The following GPC5 variants were observed in gnomAD, a reference collection of about 807,000 sequenced individuals.
The protein encoded by GPC5 is glypican 5.
In GPC5, 47 loss-of-function variants were observed where a neutral mutation model predicts 53.9. That is an observed-to-expected ratio of 0.87 (90% confidence interval 0.69 to 1.11). The LOEUF (loss-of-function observed/expected upper bound fraction) is 1.11. GPC5 is among the 50% of genes most tolerant of loss of function. The pLI is 0.00. For synonymous variants in GPC5, 286 were observed against 263.3 expected, an observed-to-expected ratio of 1.09 and a Z score of -0.84; for missense variants, 748 against 713.1, an observed-to-expected ratio of 1.05 and a Z score of -0.56.
chr13:91,553,865 T>C (rs1021332669), intron 2 of GPC5, among the ~76,000 whole-genome samples: 1 of 152,054 alleles, frequency 6.6e-6, no homozygotes, highest in African/African-American at 2.4e-5. Flanking sequence ...TTAAGGAGTA[T>C]ATATTTAATA....
chr13:92,066,223 G>A (rs1594750352), intron 6 of GPC5, among the ~76,000 whole-genome samples: 1 of 151,966 alleles, frequency 6.6e-6, no homozygotes, highest in Non-Finnish European at 1.5e-5. Flanking sequence ...AAGGACAAGG[G>A]CTGCCATAAG....
chr13:92,160,168 C>T (rs1415625607), intron 7 of GPC5, among the ~76,000 whole-genome samples: 1 of 152,172 alleles, frequency 6.6e-6, no homozygotes, highest in Non-Finnish European at 1.5e-5. Context: ...CCTCAGCCTC[C>T]CAAAGTGCTG....
chr13:92,100,621 C>A (rs1259995846), intron 6 of GPC5, among the ~76,000 whole-genome samples: 1 of 152,078 alleles, frequency 6.6e-6, no homozygotes, highest in Non-Finnish European at 1.5e-5. Flanking sequence ...ATTCTCATGT[C>A]CTGGGTGACA....
chr13:92,531,006 G>T (rs1881546105), intron 7 of GPC5, among the ~76,000 whole-genome samples: 1 of 152,148 alleles, frequency 6.6e-6, no homozygotes, highest in Admixed American at 6.5e-5. Flanking sequence ...CGAATACTGA[G>T]CAGGTAATAT....
chr13:91,505,038 T>A (rs1402348976), intron 2 of GPC5, among the ~76,000 whole-genome samples: 1 of 152,180 alleles, frequency 6.6e-6, no homozygotes, highest in Non-Finnish European at 1.5e-5. Context: ...TTCATAGGAA[T>A]AATCAAGAAT....
intron 6 of GPC5, among the ~76,000 whole-genome samples, chr13:92,064,343 G>A (rs1030217319): frequency 1.3e-5 from 2 of 152,138 alleles, no homozygotes; most frequent in African/African-American, 4.8e-5. Context: ...TATCTGGGTC[G>A]CCCCCTAGAG....
At position 92,505,483 on chromosome 13, in the gene GPC5, A is replaced by G. The variant is rs541644742; in HGVS notation, c.1561+360494A>G. ...ATTCCTGGTGCTGGTGAGGTCAAAG[A>G]GCAACTGGGATTCTCATACATTGCA... On this transcript the variant is annotated intron_variant, in intron 7 of 7. Coordinates refer to ENST00000377067, the MANE Select transcript of GPC5 (RefSeq NM_004466.6). Among the ~76,000 whole-genome samples, 39 of 152,200 alleles carry G rather than the reference A, an allele frequency of 2.6e-4. 1 individual carries two copies. In the South Asian group the frequency reaches 7.9e-3, roughly 31 times the overall value.
intron 5 of GPC5, among the ~76,000 whole-genome samples, chr13:91,845,300 AG>A (rs564283139): frequency 4.7e-4 from 70 of 148,310 alleles, no homozygotes; most frequent in African/African-American, 1.5e-3. Context: ...AAAATCAGTA[AG>A]GTTTTTTTTT....
intron 7 of GPC5, among the ~76,000 whole-genome samples, chr13:92,298,487 G>T (rs78980793): frequency 1.3e-5 from 2 of 152,138 alleles, no homozygotes; most frequent in South Asian, 2.1e-4. Context: ...CAGCAAGCCC[G>T]CAGGGATTTT....
At position 92,603,293 on chromosome 13, in the gene GPC5, A is replaced by AT. The variant is rs534498736; in HGVS notation, c.1562-262979dup. ...AGCTAACTCATTCCTGAACAACAGC[A>AT]TTTTTTTTTTCCATATTCTAAAGCC... On this transcript the variant is annotated intron_variant, in intron 7 of 7. Coordinates refer to ENST00000377067, the MANE Select transcript of GPC5 (RefSeq NM_004466.6). 9.4e-3 allele frequency among the ~76,000 whole-genome samples: 1,410 copies of AT among 149,876 alleles called. 5 individuals carry two copies. The highest frequency in any genetic ancestry group is 0.017 in the South Asian group (81 of 4,678).
intron 1 of GPC5, among the ~76,000 whole-genome samples, chr13:91,407,440 G>A (rs935571945): frequency 1.1e-4 from 16 of 152,190 alleles, no homozygotes; most frequent in Non-Finnish European, 1.6e-4. Flanking sequence ...AGCTGTTATC[G>A]TCATGTAGTG....
intron 6 of GPC5, among the ~76,000 whole-genome samples, chr13:91,974,368 A>T (rs7319626): frequency 6.6e-6 from 1 of 151,832 alleles, no homozygotes; most frequent in Non-Finnish European, 1.5e-5. Context: ...ATCTAGAAAA[A>T]CCCATTGTCT....
intron 2 of GPC5, among the ~76,000 whole-genome samples, chr13:91,568,353 G>T: frequency 6.6e-6 from 1 of 152,038 alleles, no homozygotes; most frequent in East Asian, 1.9e-4. Flanking sequence ...ACTTCCCTAA[G>T]GTATTCCTAG....
At chr13:92,751,329 A>AAC (rs1889392351) in intron 7 of GPC5, among the ~76,000 whole-genome samples, 1 of 145,738 alleles carries the variant, frequency 6.9e-6, no homozygotes. Context: ...AAAAAAAAAA[A>AAC]AAAAAACCTT....
intron 7 of GPC5, among the ~76,000 whole-genome samples, chr13:92,158,372 A>G (rs902753402): frequency 4.6e-5 from 7 of 152,244 alleles, no homozygotes; most frequent in Non-Finnish European, 1.0e-4. Flanking sequence ...AGGAAAATTC[A>G]TACATTCAAA....
rs1436052462 is a variant in GPC5, at chr13:92,031,719, ATG to A, written c.1402-113109_1402-113108del. Among the ~76,000 whole-genome samples the A allele has an allele frequency of 9.2e-5, 8 of 86,676 alleles. 1 individual carries two copies. Among genetic ancestry groups the A allele is most frequent in the African/African-American group, 1.0e-4 (2 of 19,974 alleles). The allele number at this position is 86,676 out of a possible 152,430, so 56.9% of individuals were successfully genotyped here. A position where few individuals can be genotyped will look rare whatever the true frequency, so the allele number is the denominator to read the frequency against. ...ATAATATATTATATATATTACATATATGTAATATATTACATATTATATATAAT... is the reference window on the plus strand; with the variant it reads ...ATAATATATTATATATATTACATATATAATATATTACATATTATATATAAT... On this transcript the variant is annotated intron_variant, in intron 6 of 7. Coordinates refer to ENST00000377067, the MANE Select transcript of GPC5 (RefSeq NM_004466.6).
At chr13:92,593,439 C>T (rs1883777160) in intron 7 of GPC5, among the ~76,000 whole-genome samples, 1 of 151,060 alleles carries the variant, frequency 6.6e-6, no homozygotes, top group Admixed American at 6.6e-5. Context: ...TTTCTGGAAA[C>T]ATAAAATGTT....
intron 7 of GPC5, among the ~76,000 whole-genome samples, chr13:92,385,179 C>A (rs1374828869): frequency 6.6e-6 from 1 of 151,466 alleles, no homozygotes; most frequent in Non-Finnish European, 1.5e-5. Context: ...CCAATTAATT[C>A]TGAATAAAAA....
At chr13:92,842,464 G>A (rs1487604040) in intron 7 of GPC5, among the ~76,000 whole-genome samples, 1 of 152,106 alleles carries the variant, frequency 6.6e-6, no homozygotes, top group Non-Finnish European at 1.5e-5. Flanking sequence ...CAGTAAGCAA[G>A]TATGCACTTT....
Sources: gnomAD v4.1 joint callset for allele counts (sites outside exome capture counted in the v4.1 genomes callset) on GRCh38, gnomAD v4.1.1 for gene constraint, MANE v1.5 for transcripts, NCBI Gene and HGNC (gene_info 2026-07-23, HGNC 2026-07-21) for gene names.